The following FNIP1 variants were observed in gnomAD, a reference collection of about 807,000 sequenced individuals.
The protein encoded by FNIP1 is folliculin interacting protein 1, also known as folliculin-interacting protein 1.
A neutral mutation model predicts 124.5 loss-of-function variants in FNIP1; 40 were observed. The observed-to-expected ratio is 0.32, with a 90% CI of 0.25 to 0.42. The LOEUF (loss-of-function observed/expected upper bound fraction) is 0.42. FNIP1 is among the 10% of genes least tolerant of loss of function. FNIP1 has a pLI of 1.00. For synonymous variants in FNIP1, 472 were observed against 470.6 expected, an observed-to-expected ratio of 1.00 and a Z score of -0.04; for missense variants, 1,176 against 1,403.7, an observed-to-expected ratio of 0.84 and a Z score of 2.59.
intron 6 of FNIP1, among the ~76,000 whole-genome samples, chr5:131,711,749 G>A (rs1416363949): frequency 6.6e-6 from 1 of 152,112 alleles, no homozygotes; most frequent in Non-Finnish European, 1.5e-5. Flanking sequence ...TCCTGCTTTG[G>A]CCTCCTAAAG....
chr5:131,777,274 C>A (rs1771842275), intron 1 of FNIP1, among the ~76,000 whole-genome samples: 1 of 150,348 alleles, frequency 6.7e-6, no homozygotes. Flanking sequence ...TTTTTTTGAA[C>A]AAGAGAAATT....
chr5:131,680,156 C>A (rs1311463869), intron 11 of FNIP1, among the ~76,000 whole-genome samples: 3 of 152,190 alleles, frequency 2.0e-5, no homozygotes, highest in African/African-American at 7.2e-5. Flanking sequence ...AGTTAAATAG[C>A]CACATGTGGC....
intron 3 of FNIP1, among the ~76,000 whole-genome samples, chr5:131,719,679 A>G (rs1216221473): frequency 1.3e-5 from 2 of 152,218 alleles, no homozygotes; most frequent in Non-Finnish European, 2.9e-5. Context: ...AGTTTGTCAG[A>G]CCAGTTCCCT....
chr5:131,657,019 CTT>C (rs71000999), intron 15 of FNIP1, among the ~76,000 whole-genome samples: 44 of 89,638 alleles, frequency 4.9e-4, no homozygotes, highest in East Asian at 2.2e-3. Context: ...CCACCCATGC[CTT>C]TTTTTTTTTT....
At position 131,719,073 on chromosome 5, in the gene FNIP1, A is replaced by G; in HGVS notation, c.456-13T>C. 6.2e-7 allele frequency: 1 copy of G among 1,610,108 alleles called. No individual in the cohort carries two copies. The highest frequency in any genetic ancestry group is 1.1e-5 in the South Asian group (1 of 90,846). ...CTGTGGAGGGGAACTATGAAGAAAA[A>G]GAGAAAGAGAGAGACCAAAACTAAA... On this transcript the variant is annotated splice_polypyrimidine_tract_variant and intron_variant, in intron 4 of 17. Transcript: ENST00000510461.
At chr5:131,748,764 A>G (rs1015537248) in intron 1 of FNIP1, among the ~76,000 whole-genome samples, 6 of 152,092 alleles carry the variant, frequency 3.9e-5, no homozygotes, top group African/African-American at 1.4e-4. Flanking sequence ...TACTTTTATC[A>G]TTATTTTAAA....
chr5:131,791,063 T>C (rs531546930), intron 1 of FNIP1, among the ~76,000 whole-genome samples: 5 of 152,196 alleles, frequency 3.3e-5, no homozygotes, highest in Non-Finnish European at 7.4e-5. Context: ...TAAAATCCAA[T>C]AGCTCATGAT....
chr5:131,735,110 C>T (rs1016693283), intron 2 of FNIP1, among the ~76,000 whole-genome samples: 12 of 152,098 alleles, frequency 7.9e-5, no homozygotes, highest in African/African-American at 2.4e-4. Flanking sequence ...ACATATACAC[C>T]ATGGAATACT....
chr5:131,651,188 G>A (rs549245647), intron 16 of FNIP1, among the ~76,000 whole-genome samples: 30 of 152,146 alleles, frequency 2.0e-4, no homozygotes, highest in Non-Finnish European at 3.8e-4. Flanking sequence ...CCAGAAGTCT[G>A]AGACCAGTCT....
At chr5:131,702,479 G>T (rs1315083494) in intron 10 of FNIP1, among the ~76,000 whole-genome samples, 1 of 151,676 alleles carries the variant, frequency 6.6e-6, no homozygotes, top group Non-Finnish European at 1.5e-5. Flanking sequence ...CATAAAAAAG[G>T]CCTAAATAAG....
At chr5:131,683,199 T>C (rs866561924) in intron 11 of FNIP1, among the ~76,000 whole-genome samples, 2 of 152,110 alleles carry the variant, frequency 1.3e-5, no homozygotes, top group Non-Finnish European at 2.9e-5. Context: ...GGTTCCAGAA[T>C]TCCCATGGTT....
chr5:131,770,305 A>G (rs1475797711), intron 1 of FNIP1, among the ~76,000 whole-genome samples: 1 of 152,188 alleles, frequency 6.6e-6, no homozygotes, highest in African/African-American at 2.4e-5. Context: ...CTGCCTTTTA[A>G]TTTATAAACC....
At chr5:131,779,157 A>T (rs546541132) in intron 1 of FNIP1, among the ~76,000 whole-genome samples, 1 of 151,824 alleles carries the variant, frequency 6.6e-6, no homozygotes, top group Non-Finnish European at 1.5e-5. Context: ...TAAAAAAAAA[A>T]AAAAAGAAAA....
At chr5:131,745,969 G>C (rs1400637382) in intron 1 of FNIP1, among the ~76,000 whole-genome samples, 4 of 152,188 alleles carry the variant, frequency 2.6e-5, no homozygotes, top group Non-Finnish European at 5.9e-5. Flanking sequence ...CGTAACAGGT[G>C]AACTGGCGCA....
chr5:131,704,739 A>C (rs573643447), intron 9 of FNIP1, among the ~76,000 whole-genome samples: 1 of 152,340 alleles, frequency 6.6e-6, no homozygotes, highest in Non-Finnish European at 1.5e-5. Flanking sequence ...TAATCTTTCA[A>C]GAATGAATTA....
chr5:131,792,805 T>C (rs1470031327), intron 1 of FNIP1, among the ~76,000 whole-genome samples: 1 of 152,234 alleles, frequency 6.6e-6, no homozygotes, highest in East Asian at 1.9e-4. Flanking sequence ...TGTTTAGACT[T>C]AGGTCCCACC....
intron 1 of FNIP1, among the ~76,000 whole-genome samples, chr5:131,794,324 T>C (rs1456986191): frequency 6.6e-6 from 1 of 151,602 alleles, no homozygotes; most frequent in Admixed American, 6.6e-5. Flanking sequence ...ATATCAATAT[T>C]GAAGAGATTG....
At chr5:131,662,889 G>A (rs570474599) in intron 15 of FNIP1, among the ~76,000 whole-genome samples, 31 of 151,994 alleles carry the variant, frequency 2.0e-4, no homozygotes, top group Admixed American at 3.9e-4. Flanking sequence ...ACAGGCATGC[G>A]CCATTGTGCC....
intron 2 of FNIP1, among the ~76,000 whole-genome samples, chr5:131,738,336 C>G (rs1303947138): frequency 6.6e-6 from 1 of 152,158 alleles, no homozygotes; most frequent in Non-Finnish European, 1.5e-5. Flanking sequence ...TATATTAACA[C>G]TTGGCATTTT....
Sources: gnomAD v4.1 joint callset for allele counts (sites outside exome capture counted in the v4.1 genomes callset) on GRCh38, gnomAD v4.1.1 for gene constraint, MANE v1.5 for transcripts, NCBI Gene and HGNC (gene_info 2026-07-23, HGNC 2026-07-21) for gene names.